The following MEF2A variants were observed in gnomAD, a reference collection of about 807,000 sequenced individuals.
The protein encoded by MEF2A is myocyte enhancer factor 2A.
Under a neutral mutation model 55.8 loss-of-function variants are expected in MEF2A, and 28 were observed. The ratio of observed to expected loss-of-function variants is 0.50; its 90% CI spans 0.37 to 0.69. The LOEUF is 0.69. MEF2A is among the 30% of genes least tolerant of loss of function. MEF2A has a pLI of 0.00. For synonymous variants in MEF2A, 239 were observed against 227.1 expected, an observed-to-expected ratio of 1.05 and a Z score of -0.47; for missense variants, 528 against 626.2, an observed-to-expected ratio of 0.84 and a Z score of 1.67.
intron 1 of MEF2A, among the ~76,000 whole-genome samples, chr15:99,570,115 T>C (rs750011785): frequency 3.3e-5 from 5 of 152,110 alleles, no homozygotes; most frequent in Middle Eastern, 6.3e-3. Flanking sequence ...ATCATAAGCA[T>C]ATGAGTTAAA....
chr15:99,602,697 TG>T, intron 2 of MEF2A, among the ~76,000 whole-genome samples: 1 of 81,558 alleles, frequency 1.2e-5, no homozygotes, highest in African/African-American at 5.5e-5. Flanking sequence ...TGTGTGTGTG[TG>T]TAGGGGTGGG....
chr15:99,649,554 G>T (rs1024536747), intron 4 of MEF2A, among the ~76,000 whole-genome samples: 1 of 152,104 alleles, frequency 6.6e-6, no homozygotes, highest in African/African-American at 2.4e-5. Context: ...CCTATAAAAT[G>T]TAGTAATTTA....
chr15:99,594,519 C>A (rs866115907), intron 1 of MEF2A, among the ~76,000 whole-genome samples: 1 of 134,434 alleles, frequency 7.4e-6, no homozygotes, highest in African/African-American at 3.1e-5. Flanking sequence ...TTACATACAT[C>A]ATTGACCGTT....
chr15:99,574,410 T>C (rs979107420), intron 1 of MEF2A, among the ~76,000 whole-genome samples: 1 of 152,240 alleles, frequency 6.6e-6, no homozygotes, highest in Non-Finnish European at 1.5e-5. Context: ...TTATTTTCCA[T>C]TATTATTACA....
chr15:99,629,527 A>G (rs915212098), intron 2 of MEF2A, among the ~76,000 whole-genome samples: 2 of 152,166 alleles, frequency 1.3e-5, no homozygotes, highest in Non-Finnish European at 2.9e-5. Flanking sequence ...CGGAGAGGAA[A>G]GGGGAAGGGG....
At chr15:99,688,335 C>T (rs771745819) in intron 7 of MEF2A, among the ~76,000 whole-genome samples, 6 of 152,292 alleles carry the variant, frequency 3.9e-5, no homozygotes, top group Non-Finnish European at 8.8e-5. Context: ...TACATGTAAC[C>T]GAAAGATCCA....
At chr15:99,677,603 A>G (rs540923751) in intron 7 of MEF2A, among the ~76,000 whole-genome samples, 1 of 152,324 alleles carries the variant, frequency 6.6e-6, no homozygotes, top group East Asian at 1.9e-4. Context: ...CATACGTTAA[A>G]TTGAAGTCCC....
chr15:99,592,038 A>AGGATTTTGT (rs1969470029), intron 1 of MEF2A, among the ~76,000 whole-genome samples: 1 of 152,042 alleles, frequency 6.6e-6, no homozygotes. Context: ...CATTCATCAC[A>AGGATTTTGT]CTGTTGTCTG....
chr15:99,573,024 C>T (rs1962965882), intron 1 of MEF2A, among the ~76,000 whole-genome samples: 1 of 152,082 alleles, frequency 6.6e-6, no homozygotes, highest in African/African-American at 2.4e-5. Context: ...CGCGGTGGCT[C>T]ACGCCTGTAA....
At chr15:99,621,911 G>T (rs1320403946) in intron 2 of MEF2A, among the ~76,000 whole-genome samples, 1 of 152,144 alleles carries the variant, frequency 6.6e-6, no homozygotes, top group African/African-American at 2.4e-5. Flanking sequence ...AAAATGGGGT[G>T]TTCTGATGAA....
chr15:99,635,595 AGTT>A (rs1387416079), intron 3 of MEF2A, among the ~76,000 whole-genome samples: 1 of 152,074 alleles, frequency 6.6e-6, no homozygotes, highest in Admixed American at 6.5e-5. Context: ...CCTGTCTCCC[AGTT>A]GTTTCCCCCT....
intron 1 of MEF2A, among the ~76,000 whole-genome samples, chr15:99,585,200 C>G (rs964080258): frequency 6.6e-6 from 1 of 152,114 alleles, no homozygotes; most frequent in African/African-American, 2.4e-5. Flanking sequence ...CAGATGCTTT[C>G]CTATTTTCAG....
intron 1 of MEF2A, among the ~76,000 whole-genome samples, chr15:99,575,114 A>C (rs1242180113): frequency 1.3e-5 from 2 of 152,076 alleles, no homozygotes; most frequent in Non-Finnish European, 2.9e-5. Context: ...GCACACATCA[A>C]GTTCCCTTAC....
chr15:99,635,260 G>C (rs1229603071), intron 3 of MEF2A, among the ~76,000 whole-genome samples: 5 of 152,156 alleles, frequency 3.3e-5, no homozygotes, highest in Non-Finnish European at 7.3e-5. Context: ...TAGCAAATAA[G>C]AGTTTTGAAT....
At position 99,654,263 on chromosome 15, in the gene MEF2A, T is replaced by C. The variant is rs61393015; in HGVS notation, c.258+8499T>C. On this transcript the variant is annotated intron_variant, in intron 4 of 11. Coordinates refer to ENST00000557942, the MANE Select transcript of MEF2A (RefSeq NM_001319206.4). ...ATATGTCACTTATTAGTAAAGTAGATATCTGTATTTAATATTCTAACTAGC... is the reference window on the plus strand; with the variant it reads ...ATATGTCACTTATTAGTAAAGTAGACATCTGTATTTAATATTCTAACTAGC... Among the ~76,000 whole-genome samples, 1,309 of 152,266 alleles carry C rather than the reference T, an allele frequency of 8.6e-3. 18 individuals are homozygous for C. The highest frequency in any genetic ancestry group is 0.029 in the African/African-American group (1,192 of 41,558).
chr15:99,574,462 T>C (rs912016817), intron 1 of MEF2A, among the ~76,000 whole-genome samples: 1 of 152,192 alleles, frequency 6.6e-6, no homozygotes, highest in African/African-American at 2.4e-5. Flanking sequence ...CACCATAATG[T>C]AGAATCAGTG....
At chr15:99,640,142 G>A (rs1202032031) in intron 3 of MEF2A, among the ~76,000 whole-genome samples, 1 of 151,988 alleles carries the variant, frequency 6.6e-6, no homozygotes, top group East Asian at 1.9e-4. Context: ...TTGATTGTTG[G>A]ATGCATGCAT....
At chr15:99,635,115 A>T (rs928090337) in intron 3 of MEF2A, among the ~76,000 whole-genome samples, 1 of 152,232 alleles carries the variant, frequency 6.6e-6, no homozygotes, top group Non-Finnish European at 1.5e-5. Flanking sequence ...CTGGAAACTC[A>T]CTAAAAATAT....
At chr15:99,695,900 C>CT (rs2056402335) in intron 8 of MEF2A, among the ~76,000 whole-genome samples, 1 of 151,284 alleles carries the variant, frequency 6.6e-6, no homozygotes, top group African/African-American at 2.4e-5. Flanking sequence ...AAGAAATCCA[C>CT]TTTAAATATA....
Sources: allele counts gnomAD v4.1 joint callset (sites outside exome capture counted in the v4.1 genomes callset), GRCh38; gene constraint gnomAD v4.1.1; transcripts MANE v1.5; gene names NCBI Gene and HGNC (gene_info 2026-07-23, HGNC 2026-07-21).